Variants in ZNF675 observed in about 807,000 individuals in gnomAD.
The protein encoded by ZNF675 is zinc finger protein 675, also known as TRAF6 inhibitory zinc finger.
ZNF675 carries 36 observed loss-of-function variants against 56.1 expected under a neutral mutation model. The observed-to-expected ratio is 0.64, with a 90% CI of 0.49 to 0.85. The LOEUF (loss-of-function observed/expected upper bound fraction) is 0.85. Ranked by LOEUF, ZNF675 falls within the 40% of genes least tolerant of loss-of-function variation. The probability of loss-of-function intolerance (pLI) is 0.00; values close to 1 mark genes in which losing one functional copy is unlikely to be tolerated. For synonymous variants in ZNF675, 200 were observed against 218.9 expected (o/e 0.91, Z 0.76); for missense variants, 663 against 654.2 (o/e 1.01, Z -0.15).
intron 1 of ZNF675, among the ~76,000 whole-genome samples, chr19:23,672,221 A>G (rs1490422412): frequency 8.5e-6 from 1 of 118,238 alleles, no homozygotes; most frequent in Non-Finnish European, 1.7e-5. Context: ...CCAGTTAGTT[A>G]GCTCTTGGGT....
chr19:23,677,008 T>C (rs4619529), intron 1 of ZNF675, among the ~76,000 whole-genome samples: 144,759 of 148,992 alleles, frequency 0.97, 70,554 homozygotes, highest in Middle Eastern at 1. Context: ...ACCCGGGAGG[T>C]GGAGCTTGCA....
chr19:23,653,315 T>C lies in ZNF675; in HGVS notation c.1618A>G (p.Arg540Gly). Reference sequence around the variant, plus strand: ...GATTGGTTAAAAGCTTTGTCACATCTCTCACATTTATAGGGTTTCTCTCCA... The same window carrying C: ...GATTGGTTAAAAGCTTTGTCACATCCCTCACATTTATAGGGTTTCTCTCCA... ...HTGEKPYKCERCDKAFNQSAN... is the reference protein window; with the variant it reads ...HTGEKPYKCEGCDKAFNQSAN... Residue 540 changes from arginine to glycine, a missense_variant, in exon 4 of 4, where the codon AGA (arginine) becomes GGA (glycine). Coordinates refer to ENST00000359788, the MANE Select transcript of ZNF675 (RefSeq NM_138330.3). 6.2e-7 allele frequency: 1 copy of C among 1,613,692 alleles called. No homozygotes were observed. The highest frequency in any genetic ancestry group is 2.2e-5 in the East Asian group (1 of 44,838).
At chr19:23,661,035 T>C (rs1310066754) in intron 3 of ZNF675, among the ~76,000 whole-genome samples, 1 of 151,988 alleles carries the variant, frequency 6.6e-6, no homozygotes, top group African/African-American at 2.4e-5. Flanking sequence ...GTTCAAGCGA[T>C]TCTCCTGCCT....
At position 23,654,519 on chromosome 19, in the gene ZNF675, A is replaced by C. The variant is rs75559938; in HGVS notation, c.414T>G (p.Thr138=). 3,522 of 1,605,820 alleles carry C rather than the reference A, an allele frequency of 2.2e-3. 77 individuals carry two copies. The African/African-American group carries it at 0.041, about 19-fold the overall frequency. ...GYNGLNQCLP[T]MQSKMFQCDK... ...CACATTGAAACATTTTGCTCTGCAT[A>C]GTTGGTAAACATTGGTTAAGTCCAT... The change falls in exon 4 of 4, where the codon ACT becomes ACG. Residue 138 remains threonine (T), a synonymous_variant. Coordinates refer to ENST00000359788, the MANE Select transcript of ZNF675 (RefSeq NM_138330.3).
At chr19:23,655,236 C>CA (rs66775732) in intron 3 of ZNF675, 15,101 of 105,506 alleles carry the variant, frequency 0.14, 906 homozygotes, top group Middle Eastern at 0.29. Context: ...GACTCTGTCT[C>CA]AAAAAAAAAA....
intron 1 of ZNF675, among the ~76,000 whole-genome samples, chr19:23,664,719 A>C (rs1204939301): frequency 1.3e-5 from 2 of 151,122 alleles, no homozygotes; most frequent in African/African-American, 2.4e-5. Context: ...GGGAGGCCAA[A>C]GTGGGCAGAT....
At chr19:23,663,210 T>C (rs1290522466) in intron 1 of ZNF675, 52 bp from the exon 2 acceptor site, 3 of 1,566,402 alleles carry the variant, frequency 1.9e-6, no homozygotes, top group Middle Eastern at 1.7e-4. Flanking sequence ...ACAGAGATTA[T>C]AATTTGACTC....
At chr19:23,664,826 C>G (rs1968128255) in intron 1 of ZNF675, among the ~76,000 whole-genome samples, 1 of 151,960 alleles carries the variant, frequency 6.6e-6, no homozygotes, top group Admixed American at 6.6e-5. Flanking sequence ...TGGTACGTGC[C>G]TGTAATCTCA....
At chr19:23,659,274 CAG>C (rs1193623623) in intron 3 of ZNF675, among the ~76,000 whole-genome samples, 1 of 151,848 alleles carries the variant, frequency 6.6e-6, no homozygotes, top group African/African-American at 2.4e-5. Flanking sequence ...TCTAAAATTA[CAG>C]ACAAAATTGA....
At chr19:23,654,868 G>GAAAAA in intron 3 of ZNF675, 162 bp from the exon 4 acceptor site, 1 of 377,844 alleles carries the variant, frequency 2.6e-6, no homozygotes, top group Non-Finnish European at 4.6e-6. Flanking sequence ...GAGCCACATA[G>GAAAAA]AAAAAAAAAA....
At chr19:23,666,204 G>A (rs1968148544) in intron 1 of ZNF675, among the ~76,000 whole-genome samples, 1 of 152,206 alleles carries the variant, frequency 6.6e-6, no homozygotes, top group South Asian at 2.1e-4. Context: ...TTTTCTGTGA[G>A]GCAGATAGGA....
intron 1 of ZNF675, among the ~76,000 whole-genome samples, chr19:23,670,149 A>C (rs1346748548): frequency 6.6e-6 from 1 of 151,712 alleles, no homozygotes; most frequent in Non-Finnish European, 1.5e-5. Flanking sequence ...ACTGTGGGGA[A>C]CTCTATTTCC....
chr19:23,676,008 A>G (rs1968290115), intron 1 of ZNF675, among the ~76,000 whole-genome samples: 1 of 151,272 alleles, frequency 6.6e-6, no homozygotes, highest in South Asian at 2.1e-4. Context: ...ACAATTAGTA[A>G]TGACAAATGG....
In ZNF675 at chr19:23,653,950, G is replaced by A; in HGVS notation, c.983C>T (p.Thr328Ile). ...TCCAGTATGAATTCTCTTATGTGTA[G>A]TAAGGGTTGAGGATTGGGTAAAAGC... is the stretch of plus-strand genomic sequence containing the variant. The part of the protein sequence containing the change: ...GKAFTQSSTL[T>I]THKRIHTGEK... Residue 328 changes from threonine (T) to isoleucine (I), a missense_variant, in exon 4 of 4, where the codon ACT becomes ATT. Physicochemically the swap from Thr to Ile is moderately conservative, Grantham distance 89. This residue lies in a region of ZNF675 where 617 missense variants were observed against 590.5 expected (regional missense o/e 1.04). Coordinates refer to ENST00000359788, the MANE Select transcript of ZNF675 (RefSeq NM_138330.3). The A allele has an allele frequency of 6.2e-7, 1 of 1,613,514 alleles. No individual in the cohort carries two copies. The highest frequency in any genetic ancestry group is 2.2e-5 in the East Asian group (1 of 44,864).
chr19:23,664,864 T>C (rs1968129006), intron 1 of ZNF675, among the ~76,000 whole-genome samples: 1 of 152,066 alleles, frequency 6.6e-6, no homozygotes, highest in African/African-American at 2.4e-5. Context: ...GGCAGGAGAA[T>C]CGTTTAAACC....
At chr19:23,680,780 A>G (rs1279061014) in intron 1 of ZNF675, among the ~76,000 whole-genome samples, 4 of 151,638 alleles carry the variant, frequency 2.6e-5, no homozygotes, top group Non-Finnish European at 2.9e-5. Flanking sequence ...AATAATAATA[A>G]TAAGAGCTAA....
chr19:23,668,704 G>A (rs1038235699), intron 1 of ZNF675, among the ~76,000 whole-genome samples: 6 of 152,210 alleles, frequency 3.9e-5, no homozygotes, highest in Admixed American at 2.6e-4. Context: ...GCGAGAAATC[G>A]AGCGCAGCGC....
At chr19:23,658,808 G>GAAATATAGATCTATATCTCTAT (rs1568289010) in intron 3 of ZNF675, 1 of 3,914 alleles carries the variant, frequency 2.6e-4, no homozygotes, top group East Asian at 0.013. Context: ...GATATCTATA[G>GAAATATAGATCTATATCTCTAT]AGATATAGAT....
At chr19:23,680,425 C>T (rs1968361983) in intron 1 of ZNF675, among the ~76,000 whole-genome samples, 1 of 151,722 alleles carries the variant, frequency 6.6e-6, no homozygotes, top group Non-Finnish European at 1.5e-5. Context: ...CCTTAGAAAA[C>T]TAATGCAGAA....
Sources: gnomAD v4.1 joint callset for allele counts (sites outside exome capture counted in the v4.1 genomes callset) on GRCh38, gnomAD v4.1.1 for gene constraint, gnomAD v4.1.1 regional missense constraint, MANE v1.5 for transcripts, NCBI Gene and HGNC (gene_info 2026-07-23, HGNC 2026-07-21) for gene names.